Variants in GSG1L observed in about 807,000 individuals in gnomAD.
GSG1L encodes germ cell-specific gene 1-like protein.
GSG1L carries 24 observed loss-of-function variants against 42.1 expected under a neutral mutation model. The ratio of observed to expected loss-of-function variants is 0.57; its 90% CI spans 0.41 to 0.80. GSG1L has a LOEUF of 0.80. GSG1L is among the 30% of genes least tolerant of loss of function. The probability of loss-of-function intolerance (pLI) is 0.00; values close to 1 mark genes in which losing one functional copy is unlikely to be tolerated. For missense variants in GSG1L, 445 were observed against 472.2 expected (o/e 0.94, Z 0.53); for synonymous variants, 215 against 203.5 (o/e 1.06, Z -0.48).
At chr16:27,795,071 A>C (rs1268854420) in intron 6 of GSG1L, among the ~76,000 whole-genome samples, 3 of 152,090 alleles carry the variant, frequency 2.0e-5, no homozygotes, top group Non-Finnish European at 2.9e-5. Flanking sequence ...CTCCCCAATG[A>C]AACTGGGGAT....
intron 1 of GSG1L, among the ~76,000 whole-genome samples, chr16:27,990,179 C>A (rs1041363123): frequency 6.6e-6 from 1 of 151,988 alleles, no homozygotes; most frequent in Non-Finnish European, 1.5e-5. Context: ...TTGTTTGAAC[C>A]ATTGTTGTTT....
At chr16:27,831,454 G>A (rs1180875993) in intron 4 of GSG1L, among the ~76,000 whole-genome samples, 5 of 152,106 alleles carry the variant, frequency 3.3e-5, no homozygotes, top group African/African-American at 4.8e-5. Flanking sequence ...TAGTTTTGAC[G>A]TGAATTTCTA....
At chr16:28,006,086 G>A (rs556865135) in intron 1 of GSG1L, among the ~76,000 whole-genome samples, 1 of 152,108 alleles carries the variant, frequency 6.6e-6, no homozygotes, top group African/African-American at 2.4e-5. Flanking sequence ...TCTGAAGATG[G>A]AGAAGACGGG....
rs2084003945 is a variant in GSG1L at position 27,884,528 on chromosome 16, G to A, written c.508C>T (p.Leu170Phe). The change falls in exon 3 of 7, where the codon CTC becomes TTC. Residue 170 changes from leucine (L) to phenylalanine (F), a missense_variant. This residue lies in a region of GSG1L where 149 missense variants were observed against 223.3 expected (regional missense o/e 0.67). Coordinates refer to ENST00000447459, the MANE Select transcript of GSG1L (RefSeq NM_001109763.2). This position sits in a 1 kb window ranked among gnomAD's most constrained non-coding sequence, Gnocchi z 4.4. ...ACAGCCGCGAAGGCATTGAGCTTGA[G>A]CCCGTCGATGACATTGCTGGAGTGG... ...LFHSSNVIDG[L>F]KLNAFAAVFT... 4 of 1,613,798 alleles carry A rather than the reference G, an allele frequency of 2.5e-6. No homozygotes were observed. In the African/African-American group the frequency reaches 5.3e-5, roughly 22 times the overall value.
chr16:27,817,517 G>T (rs1357333982), intron 5 of GSG1L, among the ~76,000 whole-genome samples: 3 of 151,922 alleles, frequency 2.0e-5, no homozygotes, highest in African/African-American at 4.8e-5. Context: ...TAGACACGGG[G>T]TCTTGCCCTA....
intron 1 of GSG1L, among the ~76,000 whole-genome samples, chr16:28,003,613 G>T (rs956594485): frequency 6.6e-6 from 1 of 152,348 alleles, no homozygotes; most frequent in African/African-American, 2.4e-5. Flanking sequence ...CAGCATGGCC[G>T]TGACTGATGT....
At chr16:27,840,351 C>G (rs2083366772) in intron 4 of GSG1L, among the ~76,000 whole-genome samples, 2 of 152,064 alleles carry the variant, frequency 1.3e-5, no homozygotes, top group African/African-American at 4.8e-5. Flanking sequence ...CCATCTTGGC[C>G]TCTCAAGGTG....
At chr16:28,051,511 A>AG (rs2086222157) in intron 1 of GSG1L, among the ~76,000 whole-genome samples, 1 of 149,974 alleles carries the variant, frequency 6.7e-6, no homozygotes, top group South Asian at 2.1e-4. Flanking sequence ...AGTGTTACGA[A>AG]AAAAAAAAAA....
chr16:27,887,587 T>C (rs932957516), intron 2 of GSG1L, among the ~76,000 whole-genome samples: 5 of 152,250 alleles, frequency 3.3e-5, no homozygotes, highest in African/African-American at 1.2e-4. Flanking sequence ...TCTCTGCCTT[T>C]GCACAAGTTG....
chr16:27,807,272 C>T (rs1487571713), intron 6 of GSG1L, among the ~76,000 whole-genome samples: 2 of 152,186 alleles, frequency 1.3e-5, no homozygotes, highest in Non-Finnish European at 2.9e-5. Context: ...CCTTTCTTAG[C>T]ATCCCATCCC....
chr16:27,944,364 G>A (rs2141086750), intron 2 of GSG1L, among the ~76,000 whole-genome samples: 1 of 152,236 alleles, frequency 6.6e-6, no homozygotes, highest in Non-Finnish European at 1.5e-5. Context: ...GCTTACTCCT[G>A]TAATCCCAGC....
intron 2 of GSG1L, among the ~76,000 whole-genome samples, chr16:27,947,037 A>G (rs763126991): frequency 2.6e-5 from 4 of 152,208 alleles, no homozygotes; most frequent in Non-Finnish European, 5.9e-5. Flanking sequence ...ACCACTAGAG[A>G]GCCAGAGCTG....
intron 5 of GSG1L, among the ~76,000 whole-genome samples, chr16:27,826,737 T>C (rs1054893940): frequency 1.3e-5 from 2 of 152,102 alleles, no homozygotes; most frequent in Non-Finnish European, 2.9e-5. Flanking sequence ...ACAGTATCAG[T>C]CTCCTGGGCA....
chr16:28,018,842 G>A (rs1057157311), intron 1 of GSG1L, among the ~76,000 whole-genome samples: 3 of 152,154 alleles, frequency 2.0e-5, no homozygotes, highest in African/African-American at 7.2e-5. Context: ...ATAGAGGCTT[G>A]AGGGATGCTC....
At chr16:27,899,397 G>A (rs2084230291) in intron 2 of GSG1L, among the ~76,000 whole-genome samples, 1 of 152,092 alleles carries the variant, frequency 6.6e-6, no homozygotes, top group African/African-American at 2.4e-5. Context: ...CTGACTCACA[G>A]GTGAGGAATT....
intron 2 of GSG1L, among the ~76,000 whole-genome samples, chr16:27,923,733 A>AG (rs1020242036): frequency 1.6e-5 from 1 of 63,920 alleles, no homozygotes; most frequent in Non-Finnish European, 3.1e-5. Flanking sequence ...GACTCTGTCA[A>AG]GAAAAAAAAA....
chr16:27,834,112 T>C (rs1335179458), intron 4 of GSG1L, among the ~76,000 whole-genome samples: 2 of 152,170 alleles, frequency 1.3e-5, no homozygotes, highest in African/African-American at 4.8e-5. Context: ...AGTTCCCCTT[T>C]ATTCTGAATT....
At chr16:27,957,969 T>C (rs1481312595) in intron 2 of GSG1L, among the ~76,000 whole-genome samples, 4 of 152,062 alleles carry the variant, frequency 2.6e-5, no homozygotes, top group African/African-American at 9.7e-5. Flanking sequence ...ACGGTGAGAA[T>C]TCACGCATTA....
At chr16:27,971,728 G>A (rs1029165860) in intron 1 of GSG1L, among the ~76,000 whole-genome samples, 1 of 152,056 alleles carries the variant, frequency 6.6e-6, no homozygotes, top group African/African-American at 2.4e-5. Context: ...TCCTGATCTT[G>A]GAGGGGATGC....
Sources: allele counts gnomAD v4.1 joint callset (sites outside exome capture counted in the v4.1 genomes callset), GRCh38; gene constraint gnomAD v4.1.1; regional missense constraint gnomAD v4.1.1; non-coding constraint Gnocchi (gnomAD v3.1); transcripts MANE v1.5; gene names NCBI Gene and HGNC (gene_info 2026-07-23, HGNC 2026-07-21).